Variants in RAD54L2 observed in about 807,000 individuals in gnomAD.
The protein encoded by RAD54L2 is RAD54 like 2, also known as helicase ARIP4.
In RAD54L2, 27 loss-of-function variants were observed where a neutral mutation model predicts 138.4. The ratio of observed to expected loss-of-function variants is 0.20; its 90% confidence interval spans 0.14 to 0.27. The LOEUF (loss-of-function observed/expected upper bound fraction) is 0.27, where lower values mean the gene tolerates loss of function less well. Among genes scored for constraint, RAD54L2 ranks in the 10% least tolerant of loss-of-function variants. The pLI is 1.00. For synonymous variants in RAD54L2, 644 were observed against 723.2 expected (o/e 0.89, Z 1.76); for missense variants, 1,396 against 1,890.2 (o/e 0.74, Z 4.85).
intron 2 of RAD54L2, among the ~76,000 whole-genome samples, chr3:51,583,934 A>G (rs1259520480): frequency 1.3e-5 from 2 of 150,264 alleles, no homozygotes; most frequent in Admixed American, 1.3e-4. Context: ...TAATTTTGAC[A>G]TTGTGGTTCC....
intron 2 of RAD54L2, among the ~76,000 whole-genome samples, chr3:51,555,431 G>C (rs1410303322): frequency 6.6e-6 from 1 of 151,742 alleles, no homozygotes; most frequent in East Asian, 1.9e-4. Context: ...TGGCCAATAT[G>C]GTGAAACCCT....
At position 51,643,927 on chromosome 3, in the gene RAD54L2, C is replaced by T. The variant is rs760667397; in HGVS notation, c.2403C>T (p.Phe801=). ...AGAGGGAGCGGCTTATTAATCAGTT[C>T]AATGATCCCAGCAACCTCACCACCT... The part of the protein sequence containing the change: ...AFERERLINQ[F]NDPSNLTTWL... The change falls in exon 16 of 23, where the codon TTC becomes TTT. Residue 801 remains phenylalanine, a synonymous_variant. Transcript: ENST00000684192. 8 of 1,607,606 alleles carry T rather than the reference C, an allele frequency of 5.0e-6. No homozygotes were observed. The highest frequency in any genetic ancestry group is 1.6e-4 in the Middle Eastern group (1 of 6,074).
intron 3 of RAD54L2, among the ~76,000 whole-genome samples, chr3:51,599,104 G>C (rs1284602565): frequency 4.6e-5 from 7 of 152,142 alleles, no homozygotes; most frequent in Non-Finnish European, 1.0e-4. Context: ...TGTTAGAATT[G>C]ATTTGGAGGA....
At chr3:51,607,695 C>A (rs542856760) in intron 3 of RAD54L2, among the ~76,000 whole-genome samples, 361 of 149,302 alleles carry the variant, frequency 2.4e-3, no homozygotes, top group Admixed American at 3.9e-3. Context: ...GGCAGAGGGG[C>A]CCCCCACCTC....
chr3:51,622,302 C>G (rs909855744), intron 3 of RAD54L2, among the ~76,000 whole-genome samples: 2 of 152,198 alleles, frequency 1.3e-5, no homozygotes, highest in African/African-American at 4.8e-5. Flanking sequence ...CCAAGGCTCA[C>G]ACACGCAGTA....
chr3:51,566,523 A>G (rs1699223957), intron 2 of RAD54L2, among the ~76,000 whole-genome samples: 1 of 122,324 alleles, frequency 8.2e-6, no homozygotes, highest in African/African-American at 3.3e-5. Context: ...TCTGTCACCC[A>G]GGATGGAGTG....
chr3:51,555,500 T>C (rs549234225), intron 2 of RAD54L2, among the ~76,000 whole-genome samples: 71 of 151,830 alleles, frequency 4.7e-4, no homozygotes, highest in East Asian at 1.4e-3. Flanking sequence ...CTACTGAAAA[T>C]AGAAAAATTA....
At chr3:51,540,520 A>G (rs1013181938) in intron 1 of RAD54L2, among the ~76,000 whole-genome samples, 2 of 152,216 alleles carry the variant, frequency 1.3e-5, no homozygotes, top group Non-Finnish European at 2.9e-5. Flanking sequence ...TTCAGGCAAA[A>G]GTTGGTGTGT....
chr3:51,566,928 A>G (rs1040988118), intron 2 of RAD54L2, among the ~76,000 whole-genome samples: 1 of 152,062 alleles, frequency 6.6e-6, no homozygotes, highest in African/African-American at 2.4e-5. Context: ...TTTTGTCTCC[A>G]TCCTCCAACC....
At chr3:51,626,436 C>CTTTTTTTTGTTTTTTTTTTTTTTT (rs1700687367) in intron 3 of RAD54L2, among the ~76,000 whole-genome samples, 1 of 39,392 alleles carries the variant, frequency 2.5e-5, no homozygotes, top group African/African-American at 1.1e-4. Flanking sequence ...CCCCAACGAT[C>CTTTTTTTTGTTTTTTTTTTTTTTT]TTTTTTTTTT....
At chr3:51,543,347 G>A (rs1231174988) in intron 2 of RAD54L2, among the ~76,000 whole-genome samples, 4 of 152,026 alleles carry the variant, frequency 2.6e-5, no homozygotes, top group Admixed American at 6.6e-5. Context: ...GGTGGCTCAC[G>A]CCTGTAATGC....
intron 2 of RAD54L2, among the ~76,000 whole-genome samples, chr3:51,560,963 T>G (rs1200122906): frequency 6.6e-6 from 1 of 152,236 alleles, no homozygotes. Context: ...AGCTGGTACT[T>G]GTTTTCAGTT....
chr3:51,613,088 T>C (rs1381210880), intron 3 of RAD54L2, among the ~76,000 whole-genome samples: 1 of 151,992 alleles, frequency 6.6e-6, no homozygotes, highest in African/African-American at 2.4e-5. Context: ...TACAGGCGCC[T>C]GCCACCACAC....
Position 51,630,768 on chromosome 3 carries a change from T to C in RAD54L2, c.662T>C (p.Val221Ala). 6.2e-7 allele frequency: 1 copy of C among 1,613,982 alleles called. No individual in the cohort carries two copies. Among genetic ancestry groups the C allele is most frequent in the Non-Finnish European group, 8.5e-7 (1 of 1,179,876 alleles). ...TLHIVDSSESVSEDDEEEEKG... is the reference protein window; with the variant it reads ...TLHIVDSSESASEDDEEEEKG... ...CACATTGTGGACAGCAGTGAATCTG[T>C]CAGTGAAGATGATGAGGAAGAAGAG... The change falls in exon 7 of 23, where the codon GTC becomes GCC. Residue 221 changes from valine (V) to alanine (A), a missense_variant. By Grantham distance (64) the Val-to-Ala change is moderately conservative (BLOSUM62 0). This residue lies in a region of RAD54L2 where 256 missense variants were observed against 344.6 expected (regional missense o/e 0.74). Coordinates refer to ENST00000684192, the MANE Select transcript of RAD54L2 (RefSeq NM_015106.4).
intron 2 of RAD54L2, among the ~76,000 whole-genome samples, chr3:51,580,028 T>C (rs1559623959): frequency 6.6e-6 from 1 of 151,962 alleles, no homozygotes; most frequent in Non-Finnish European, 1.5e-5. Context: ...TGTTCAACAG[T>C]ATTCAATTCT....
intron 2 of RAD54L2, among the ~76,000 whole-genome samples, chr3:51,565,074 T>C (rs1471766630): frequency 1.3e-5 from 2 of 152,214 alleles, no homozygotes; most frequent in Non-Finnish European, 2.9e-5. Flanking sequence ...CTACTCAGTC[T>C]AATTGCTAGT....
At chr3:51,622,912 C>A (rs980262946) in intron 3 of RAD54L2, among the ~76,000 whole-genome samples, 1 of 152,220 alleles carries the variant, frequency 6.6e-6, no homozygotes, top group Non-Finnish European at 1.5e-5. Flanking sequence ...TTATTTCAAA[C>A]CCAGGTCTCG....
intron 3 of RAD54L2, among the ~76,000 whole-genome samples, chr3:51,611,720 G>A (rs966380122): frequency 7.2e-5 from 11 of 151,948 alleles, no homozygotes; most frequent in Admixed American, 7.2e-4. Flanking sequence ...CACCACGCCC[G>A]GCTAATTTTT....
chr3:51,546,282 C>A (rs1698690826), intron 2 of RAD54L2, among the ~76,000 whole-genome samples: 1 of 151,366 alleles, frequency 6.6e-6, no homozygotes, highest in African/African-American at 2.4e-5. Flanking sequence ...TAGCAGACTG[C>A]AAAAAATAAA....
Sources: allele counts gnomAD v4.1 joint callset (sites outside exome capture counted in the v4.1 genomes callset), GRCh38; gene constraint gnomAD v4.1.1; regional missense constraint gnomAD v4.1.1; transcripts MANE v1.5; gene names NCBI Gene and HGNC (gene_info 2026-07-23, HGNC 2026-07-21).